Variants in PLCB1 observed in about 807,000 individuals in gnomAD.
The protein encoded by PLCB1 is phospholipase C beta 1.
In PLCB1, 46 loss-of-function variants were observed where a neutral mutation model predicts 161.8. The ratio of observed to expected loss-of-function variants is 0.28; its 90% CI spans 0.22 to 0.36. The LOEUF (loss-of-function observed/expected upper bound fraction) is 0.36. Ranked by LOEUF, PLCB1 falls within the 10% of genes least tolerant of loss-of-function variation. The probability of loss-of-function intolerance (pLI) is 1.00; values close to 1 mark genes in which losing one functional copy is unlikely to be tolerated. For synonymous variants in PLCB1, 517 were observed against 503.7 expected, an observed-to-expected ratio of 1.03 and a Z score of -0.35; for missense variants, 1,016 against 1,472.5, an observed-to-expected ratio of 0.69 and a Z score of 5.07.
chr20:8,487,846 G>A (rs1031876858), intron 3 of PLCB1, among the ~76,000 whole-genome samples: 7 of 152,088 alleles, frequency 4.6e-5, no homozygotes, highest in African/African-American at 1.2e-4. Flanking sequence ...CCTTTTTACC[G>A]AGGCTGGTGC....
intron 2 of PLCB1, among the ~76,000 whole-genome samples, chr20:8,350,186 C>A (rs1986137522): frequency 6.6e-6 from 1 of 152,140 alleles, no homozygotes; most frequent in Non-Finnish European, 1.5e-5. Context: ...CAATCCATCA[C>A]CTAGGTATTA....
At chr20:8,623,302 C>T (rs1486291311) in intron 3 of PLCB1, among the ~76,000 whole-genome samples, 5 of 152,096 alleles carry the variant, frequency 3.3e-5, no homozygotes, top group African/African-American at 1.2e-4. Flanking sequence ...TGATCGCCTT[C>T]GTGTTTCTTC....
chr20:8,486,481 ATTTT>A (rs71183092), intron 3 of PLCB1, among the ~76,000 whole-genome samples: 10 of 85,778 alleles, frequency 1.2e-4, no homozygotes, highest in Admixed American at 3.1e-4. Flanking sequence ...ATTCCAAAAT[ATTTT>A]TTTTTTTTTT....
intron 3 of PLCB1, among the ~76,000 whole-genome samples, chr20:8,556,445 G>T (rs1010902729): frequency 3.9e-5 from 6 of 152,154 alleles, no homozygotes; most frequent in African/African-American, 1.2e-4. Context: ...AAAAGCTGGA[G>T]AATGAGTTAC....
intron 3 of PLCB1, among the ~76,000 whole-genome samples, chr20:8,390,467 G>A (rs1987554975): frequency 6.6e-6 from 1 of 152,244 alleles, no homozygotes; most frequent in Non-Finnish European, 1.5e-5. Context: ...AAATGTTGAG[G>A]GGACACAAGT....
rs6118140 is a variant in PLCB1, at chr20:8,263,646, G to A, written c.178-107736G>A. Among the ~76,000 whole-genome samples, 4 of 152,102 alleles carry A rather than the reference G, an allele frequency of 2.6e-5. 1 individual carries two copies. Among genetic ancestry groups the A allele is most frequent in the Admixed American group, 2.0e-4 (3 of 15,266 alleles). On this transcript the variant is annotated intron_variant, in intron 2 of 31. Transcript: ENST00000338037. ...TATATGGCATAGCTTATTGCTCCTA[G>A]GTACAAACTTGTACAGCATATTACT... is the stretch of plus-strand genomic sequence containing the variant.
At chr20:8,639,631 A>G (rs1266049868) in intron 4 of PLCB1, among the ~76,000 whole-genome samples, 1 of 152,258 alleles carries the variant, frequency 6.6e-6, no homozygotes, top group African/African-American at 2.4e-5. Flanking sequence ...CCAGCTGCTA[A>G]GGACATTGGA....
chr20:8,327,606 G>T (rs906121837), intron 2 of PLCB1, among the ~76,000 whole-genome samples: 1 of 152,138 alleles, frequency 6.6e-6, no homozygotes, highest in Non-Finnish European at 1.5e-5. Flanking sequence ...TACCATAGAA[G>T]GCTTGTTAGC....
At chr20:8,724,208 A>G (rs1214317614) in intron 15 of PLCB1, among the ~76,000 whole-genome samples, 2 of 151,066 alleles carry the variant, frequency 1.3e-5, no homozygotes, top group African/African-American at 4.9e-5. Context: ...TGTAGCCCTG[A>G]ATTTAAAATA....
intron 3 of PLCB1, among the ~76,000 whole-genome samples, chr20:8,510,296 G>A (rs1983824091): frequency 6.6e-6 from 1 of 151,660 alleles, no homozygotes; most frequent in South Asian, 2.1e-4. Context: ...TTTTCCATAA[G>A]CTAAATCTAA....
chr20:8,765,977 C>G (rs959975288), intron 26 of PLCB1, among the ~76,000 whole-genome samples: 26 of 152,238 alleles, frequency 1.7e-4, no homozygotes, highest in African/African-American at 5.3e-4. Context: ...CCATGCCTGC[C>G]CACAACTGGT....
intron 2 of PLCB1, among the ~76,000 whole-genome samples, chr20:8,277,260 G>A (rs142726017): frequency 1.7e-3 from 252 of 151,878 alleles, no homozygotes; most frequent in African/African-American, 5.7e-3. Context: ...TGAAATCATC[G>A]TATATGAGGA....
At chr20:8,471,873 G>A (rs1982068184) in intron 3 of PLCB1, among the ~76,000 whole-genome samples, 1 of 152,024 alleles carries the variant, frequency 6.6e-6, no homozygotes, top group South Asian at 2.1e-4. Context: ...TCTCATTTCG[G>A]TAATGTTTTA....
intron 3 of PLCB1, among the ~76,000 whole-genome samples, chr20:8,504,534 T>C (rs186646262): frequency 3.0e-4 from 46 of 152,342 alleles, no homozygotes; most frequent in African/African-American, 8.7e-4. Flanking sequence ...CACATGAAAT[T>C]CACATAATTA....
At chr20:8,698,268 G>A (rs1389842624) in intron 11 of PLCB1, among the ~76,000 whole-genome samples, 1 of 152,062 alleles carries the variant, frequency 6.6e-6, no homozygotes, top group Non-Finnish European at 1.5e-5. Context: ...CTATTACAGT[G>A]GTCCCTACTT....
intron 24 of PLCB1, 95 bp from the exon 25 acceptor site, chr20:8,760,312 A>G: frequency 1.4e-6 from 1 of 689,990 alleles, no homozygotes; most frequent in Non-Finnish European, 2.5e-6. Context: ...CTGAAAAGAG[A>G]TTTAGATTCA....
intron 2 of PLCB1, among the ~76,000 whole-genome samples, chr20:8,338,895 G>A (rs532736586): frequency 6.6e-6 from 1 of 152,128 alleles, no homozygotes; most frequent in Non-Finnish European, 1.5e-5. Context: ...CATTTAGGTG[G>A]AATCACATGG....
At chr20:8,141,145 G>C (rs13043158) in intron 1 of PLCB1, among the ~76,000 whole-genome samples, 22,989 of 152,126 alleles carry the variant, frequency 0.15, 1,935 homozygotes, top group East Asian at 0.3. Context: ...TGAAGAGATT[G>C]ATAGACTTTT....
intron 3 of PLCB1, among the ~76,000 whole-genome samples, chr20:8,550,079 A>T (rs779412009): frequency 2.6e-5 from 4 of 152,096 alleles, no homozygotes; most frequent in Non-Finnish European, 5.9e-5. Flanking sequence ...CTGTACCCCT[A>T]TTGTATGTAG....
Sources: gnomAD v4.1 joint callset for allele counts (sites outside exome capture counted in the v4.1 genomes callset) on GRCh38, gnomAD v4.1.1 for gene constraint, MANE v1.5 for transcripts, NCBI Gene and HGNC (gene_info 2026-07-23, HGNC 2026-07-21) for gene names.